FAT2: variants seen among roughly 807,000 people sequenced by gnomAD.
The protein encoded by FAT2 is FAT atypical cadherin 2.
Under a neutral mutation model 295.3 loss-of-function variants are expected in FAT2, and 150 were observed. The observed-to-expected ratio is 0.51, with a 90% CI of 0.44 to 0.58. The LOEUF (loss-of-function observed/expected upper bound fraction) is 0.58, where lower values mean the gene tolerates loss of function less well. FAT2 is among the 20% of genes least tolerant of loss of function. FAT2 has a pLI of 0.00. For synonymous variants in FAT2, 2,026 were observed against 2,150.3 expected, an observed-to-expected ratio of 0.94 and a Z score of 1.60; for missense variants, 4,868 against 5,442.7, an observed-to-expected ratio of 0.89 and a Z score of 3.32.
rs1022534617 is a variant in FAT2 at position 151,512,056 on chromosome 5, G to C, written c.11905+109C>G. 7 of 1,014,100 alleles carry C rather than the reference G, an allele frequency of 6.9e-6. No individual in the cohort carries two copies. The African/African-American group carries it at 8.1e-5, about 12-fold the overall frequency. 62.8% of individuals were successfully genotyped at this position (1,014,100 alleles called of 1,614,324 possible). On this transcript the variant is annotated intron_variant, in intron 21 of 23. Transcript: ENST00000261800. This position sits in a 1 kb window ranked among gnomAD's most constrained non-coding sequence, Gnocchi z 4.1. ...GTTACTCACAAGTTAGGGGAAGAGA[G>C]AGAAATTTGGAACCAGGAGGCTCTG...
chr5:151,507,114 C>A, intron 23 of FAT2, 40 bp downstream of exon 23: 2 of 1,505,844 alleles, frequency 1.3e-6, no homozygotes, highest in Non-Finnish European at 1.8e-6. Flanking sequence ...CCACCCACTT[C>A]CATCAATCCC....
At chr5:151,589,456 A>C (rs1326383612) in intron 1 of FAT2, among the ~76,000 whole-genome samples, 2 of 152,220 alleles carry the variant, frequency 1.3e-5, no homozygotes, top group Non-Finnish European at 2.9e-5. Context: ...TTCCTGCCAG[A>C]AGTCTAACAT....
At position 151,542,683 on chromosome 5, in the gene FAT2, G is replaced by A. The variant is rs200995637; in HGVS notation, c.8444C>T (p.Ser2815Leu). ...GTCAATGGCAGTCACTTGAATGACT[G>A]AGGTCCCCACTGGCATATTCTCAGT... ...VLTENMPVGT[S>L]VIQVTAIDKD... Residue 2815 changes from serine to leucine, a missense_variant, in exon 10 of 24, where the codon TCA becomes TTA. Physicochemically the swap from Ser to Leu is moderately radical, Grantham distance 145. Coordinates refer to ENST00000261800, the MANE Select transcript of FAT2 (RefSeq NM_001447.3). 13 of 1,614,202 alleles carry A rather than the reference G, an allele frequency of 8.1e-6. No homozygotes were observed. The highest frequency in any genetic ancestry group is 9.3e-6 in the Non-Finnish European group (11 of 1,180,028).
Position 151,574,025 on chromosome 5 carries a change from A to G in FAT2, c.-20-5074T>C, listed in dbSNP as rs565491774. On this transcript the variant is annotated intron_variant, in intron 1 of 23. Coordinates refer to ENST00000261800, the MANE Select transcript of FAT2 (RefSeq NM_001447.3). ...GAAGTCCCTTCCAACTCATACGGGC[A>G]TGGTTCTTTGGCCTGTGCATGCCTA... 3.3e-5 allele frequency among the ~76,000 whole-genome samples: 5 copies of G among 152,208 alleles called. No homozygotes were observed. In the East Asian group the frequency reaches 9.7e-4, roughly 29 times the overall value.
At chr5:151,508,574 A>T (rs1761070566) in intron 22 of FAT2, among the ~76,000 whole-genome samples, 2 of 152,062 alleles carry the variant, frequency 1.3e-5, no homozygotes, top group African/African-American at 2.4e-5. Flanking sequence ...GCCAGGTGTT[A>T]TGGCACATGC....
At position 151,540,783 on chromosome 5, in the gene FAT2, C is replaced by T; in HGVS notation, c.8843-20G>A. The T allele has an allele frequency of 6.3e-7, 1 of 1,595,422 alleles. No homozygotes were observed. The highest frequency in any genetic ancestry group is 8.6e-7 in the Non-Finnish European group (1 of 1,166,666). ...CTCCCTCTAAACAGATGGGGCAGAG[C>T]TTTCAGAAGCCAAGCAATAGGAATG... On this transcript the variant is annotated intron_variant, in intron 10 of 23. Coordinates refer to ENST00000261800, the MANE Select transcript of FAT2 (RefSeq NM_001447.3).
Position 151,542,361 on chromosome 5 carries a change from G to A in FAT2, c.8766C>T (p.Gly2922=), listed in dbSNP as rs748256749. The A allele has an allele frequency of 1.5e-5, 24 of 1,613,910 alleles. No homozygotes were observed. Among genetic ancestry groups the A allele is most frequent in the Admixed American group, 3.3e-5 (2 of 59,982 alleles). ...RGSVVENSEP[G]ELVATLKTLD... is the part of the protein sequence containing the mutation. The stretch of plus-strand genomic sequence containing the variant: ...GGGTCTTTAGAGTCGCCACCAGTTC[G>A]CCAGGCTCACTGTTCTCAACCACAG... The change falls in exon 10 of 24, where the codon GGC becomes GGT. Residue 2922 remains glycine (G), a synonymous_variant. Coordinates refer to ENST00000261800, the MANE Select transcript of FAT2 (RefSeq NM_001447.3).
At chr5:151,586,579 C>G (rs1759181070) in intron 1 of FAT2, among the ~76,000 whole-genome samples, 1 of 152,188 alleles carries the variant, frequency 6.6e-6, no homozygotes, top group Non-Finnish European at 1.5e-5. Flanking sequence ...GCCTTCTAAT[C>G]TGACTCCTTT....
intron 13 of FAT2, among the ~76,000 whole-genome samples, chr5:151,533,807 G>GGTAT (rs1351945412): frequency 2.6e-5 from 4 of 151,632 alleles, no homozygotes; most frequent in Non-Finnish European, 5.9e-5. Context: ...TATACATGCA[G>GGTAT]GTATGTATAT....
intron 20 of FAT2, among the ~76,000 whole-genome samples, chr5:151,516,405 A>G (rs1047968926): frequency 4.5e-4 from 68 of 152,070 alleles, no homozygotes; most frequent in African/African-American, 1.5e-3. Flanking sequence ...AATTCCAGCT[A>G]CTCCAGAGAC....
Position 151,505,927 on chromosome 5 carries a change from G to T in FAT2, c.12688C>A (p.Leu4230Met), listed in dbSNP as rs1265708283. The T allele has an allele frequency of 6.3e-7, 1 of 1,585,678 alleles. No individual in the cohort carries two copies. The highest frequency in any genetic ancestry group is 8.6e-7 in the Non-Finnish European group (1 of 1,168,350). Residue 4230 changes from leucine to methionine, a missense_variant, in exon 24 of 24, where the codon CTG (leucine) becomes ATG (methionine). By Grantham distance (15) the Leu-to-Met change is conservative (BLOSUM62 2). Coordinates refer to ENST00000261800, the MANE Select transcript of FAT2 (RefSeq NM_001447.3). ...GGTGCCCGCTTGTTTTCCATCTCCA[G>T]GGGGAAGGGGAAGCCCCCATAGAGG... is the stretch of plus-strand genomic sequence containing the variant. ...NGLYGGFPFP[L>M]EMENKRAPLP...
rs57484261 is a variant in FAT2, at chr5:151,548,128, C to T, written c.4789+1167G>A. ...TGAATAGACTTCTGTTATATGGCAA[C>T]TGTTTCTTCCAAAAAGAAAAGGTAA... On this transcript the variant is annotated intron_variant, in intron 9 of 23. Transcript: ENST00000261800. Among the ~76,000 whole-genome samples, 1,466 of 152,146 alleles carry T rather than the reference C, an allele frequency of 9.6e-3. 21 individuals are homozygous for T. The highest frequency in any genetic ancestry group is 0.034 in the African/African-American group (1,402 of 41,518).
intron 1 of FAT2, among the ~76,000 whole-genome samples, chr5:151,583,376 CTAT>C (rs1759039387): frequency 6.6e-6 from 1 of 152,146 alleles, no homozygotes; most frequent in South Asian, 2.1e-4. Flanking sequence ...AGCAAATGAA[CTAT>C]TGTTCTAGGT....
Position 151,566,963 on chromosome 5 carries a change from T to C in FAT2, c.1969A>G (p.Thr657Ala). The C allele has an allele frequency of 6.2e-7, 1 of 1,614,066 alleles. No individual in the cohort carries two copies. The highest frequency in any genetic ancestry group is 8.5e-7 in the Non-Finnish European group (1 of 1,179,952). Reference protein sequence around the residue: ...NYASPTTLNITVVKDPHFEVP... With the variant: ...NYASPTTLNIAVVKDPHFEVP... The stretch of plus-strand genomic sequence containing the variant: ...TCAAAATGAGGGTCCTTCACCACAG[T>C]AATATTCAAAGTTGTGGGTGAGGCA... The change falls in exon 2 of 24, where the codon ACT (threonine) becomes GCT (alanine). Residue 657 changes from threonine (T) to alanine (A), a missense_variant. Coordinates refer to ENST00000261800, the MANE Select transcript of FAT2 (RefSeq NM_001447.3).
chr5:151,583,860 C>T (rs1481327221), intron 1 of FAT2, among the ~76,000 whole-genome samples: 1 of 151,426 alleles, frequency 6.6e-6, no homozygotes, highest in Admixed American at 6.6e-5. Flanking sequence ...TAGCTGGGTG[C>T]GATGACACAC....
chr5:151,562,694 A>C (rs1758070103), intron 3 of FAT2, among the ~76,000 whole-genome samples: 1 of 152,216 alleles, frequency 6.6e-6, no homozygotes, highest in Non-Finnish European at 1.5e-5. Context: ...TGTTGGCTGC[A>C]ACTTAAAAAA....
intron 1 of FAT2, among the ~76,000 whole-genome samples, chr5:151,586,600 G>A (rs929080165): frequency 5.3e-5 from 8 of 152,140 alleles, no homozygotes; most frequent in Non-Finnish European, 8.8e-5. Context: ...CCTTAAATTG[G>A]TGTTCTACCT....
chr5:151,571,489 G>T (rs1758522582), intron 1 of FAT2, among the ~76,000 whole-genome samples: 1 of 152,246 alleles, frequency 6.6e-6, no homozygotes, highest in African/African-American at 2.4e-5. Flanking sequence ...GGCTGCACCG[G>T]TGCCTTGCAA....
intron 1 of FAT2, among the ~76,000 whole-genome samples, chr5:151,573,797 C>T (rs1049423200): frequency 6.6e-6 from 1 of 152,224 alleles, no homozygotes; most frequent in Non-Finnish European, 1.5e-5. Context: ...CAGCTCTCTA[C>T]TCCAGCTTCT....
Sources: gnomAD v4.1 joint callset for allele counts (sites outside exome capture counted in the v4.1 genomes callset) on GRCh38, gnomAD v4.1.1 for gene constraint, Gnocchi (gnomAD v3.1) non-coding constraint, MANE v1.5 for transcripts, NCBI Gene and HGNC (gene_info 2026-07-23, HGNC 2026-07-21) for gene names.